ADAM18: variants seen among roughly 807,000 people sequenced by gnomAD.
ADAM18 encodes disintegrin and metalloproteinase domain-containing protein 18.
ADAM18 carries 117 observed loss-of-function variants against 94.4 expected under a neutral mutation model. That is an observed-to-expected ratio of 1.24 (90% CI 1.07 to 1.45). ADAM18 has a LOEUF of 1.45. Among genes scored for constraint, ADAM18 ranks in the 40% most tolerant of loss-of-function variants. The probability of loss-of-function intolerance (pLI) is 0.00; values close to 1 mark genes in which losing one functional copy is unlikely to be tolerated. For synonymous variants in ADAM18, 327 were observed against 291.6 expected (o/e 1.12, Z -1.24); for missense variants, 936 against 880.0 (o/e 1.06, Z -0.81).
At chr8:39,627,792 T>C (rs1819815430) in intron 6 of ADAM18, among the ~76,000 whole-genome samples, 1 of 152,130 alleles carries the variant, frequency 6.6e-6, no homozygotes, top group Admixed American at 6.6e-5. Flanking sequence ...CTTCATTGTG[T>C]TACTGTTTTA....
At chr8:39,598,695 G>A (rs1342581459) in intron 2 of ADAM18, among the ~76,000 whole-genome samples, 7 of 150,672 alleles carry the variant, frequency 4.6e-5, no homozygotes, top group Admixed American at 4.6e-4. Flanking sequence ...TTGAACCTGG[G>A]AGGCAGATGT....
At chr8:39,606,241 G>A (rs578149010) in intron 2 of ADAM18, 66 bp from the exon 3 acceptor site, 2 of 845,560 alleles carry the variant, frequency 2.4e-6, no homozygotes, top group South Asian at 3.4e-5. Context: ...TAACTTGGAT[G>A]AATATTGTTT....
At chr8:39,629,547 T>C in intron 7 of ADAM18, 108 bp downstream of exon 7, 1 of 712,238 alleles carries the variant, frequency 1.4e-6, no homozygotes, top group Admixed American at 3.2e-5. Flanking sequence ...TCCTCCTTCT[T>C]TCCCTTCCTC....
intron 2 of ADAM18, among the ~76,000 whole-genome samples, chr8:39,594,309 G>C (rs577908546): frequency 6.6e-6 from 1 of 152,074 alleles, no homozygotes; most frequent in Non-Finnish European, 1.5e-5. Flanking sequence ...GGAACACAAA[G>C]AAATAAGTGT....
At chr8:39,660,816 G>A (rs951455436) in intron 12 of ADAM18, among the ~76,000 whole-genome samples, 2 of 152,120 alleles carry the variant, frequency 1.3e-5, no homozygotes, top group African/African-American at 4.8e-5. Context: ...AATAGCAAAT[G>A]CAAACATTTA....
At chr8:39,703,536 G>A (rs540114830) in intron 17 of ADAM18, among the ~76,000 whole-genome samples, 1 of 152,040 alleles carries the variant, frequency 6.6e-6, no homozygotes, top group African/African-American at 2.4e-5. Flanking sequence ...GGATTGGTGA[G>A]AGAGGGCACC....
intron 3 of ADAM18, among the ~76,000 whole-genome samples, chr8:39,607,954 A>C (rs1028651400): frequency 2.0e-5 from 3 of 151,948 alleles, no homozygotes; most frequent in African/African-American, 7.3e-5. Context: ...CACTTATCTG[A>C]GTACTTAGTT....
In ADAM18 at chr8:39,680,010, A is replaced by G. The variant is rs201987707; in HGVS notation, c.1632-27A>G. On this transcript the variant is annotated intron_variant, in intron 15 of 19. Transcript: ENST00000265707. ...TGTTATCATTAAGAGATAAACTGAT[A>G]AGGAACTTTTTGCTTTCCACTTCCA... is the stretch of plus-strand genomic sequence containing the variant. 45 of 1,611,038 alleles carry G rather than the reference A, an allele frequency of 2.8e-5. No homozygotes were observed. The African/African-American group carries it at 5.6e-4, about 20-fold the overall frequency.
At chr8:39,673,479 C>T (rs1455196148) in intron 14 of ADAM18, among the ~76,000 whole-genome samples, 1 of 152,082 alleles carries the variant, frequency 6.6e-6, no homozygotes, top group Non-Finnish European at 1.5e-5. Flanking sequence ...CACCCCACCC[C>T]CCAACAAGCC....
At chr8:39,616,522 C>A (rs1328819601) in intron 6 of ADAM18, among the ~76,000 whole-genome samples, 1 of 152,144 alleles carries the variant, frequency 6.6e-6, no homozygotes, top group Admixed American at 6.5e-5. Context: ...CAAAACTATT[C>A]TAAAATTCAT....
At chr8:39,677,697 T>G (rs1026743349) in intron 15 of ADAM18, among the ~76,000 whole-genome samples, 161 bp downstream of exon 15, 2 of 152,166 alleles carry the variant, frequency 1.3e-5, no homozygotes, top group African/African-American at 4.8e-5. Context: ...TTCTATTATT[T>G]TCCCTTGATA....
At chr8:39,723,703 A>G (rs776168880) in intron 18 of ADAM18, 45 bp from the exon 19 acceptor site, 54 of 1,292,502 alleles carry the variant, frequency 4.2e-5, no homozygotes, top group Middle Eastern at 2.1e-4. Flanking sequence ...ATTTATTTAA[A>G]TATCCACTGA....
Position 39,680,188 on chromosome 8 carries a change from G to A in ADAM18, c.1783G>A (p.Ala595Thr), listed in dbSNP as rs781614370. 1 of 1,613,570 alleles carries A rather than the reference G, an allele frequency of 6.2e-7. No individual in the cohort carries two copies. Among genetic ancestry groups the A allele is most frequent in the Non-Finnish European group, 8.5e-7 (1 of 1,179,818 alleles). ...SSMRSDGTDN[A>T]YVADGTMCGP... ...CATGAGATCAGATGGAACAGACAAT[G>A]CCTATGTGGCTGATGGCACCATGTG... The change falls in exon 16 of 20, where the codon GCC (alanine) becomes ACC (threonine). Residue 595 changes from alanine (A) to threonine (T), a missense_variant. Ala to Thr is a moderately conservative substitution (Grantham distance 58). Coordinates refer to ENST00000265707, the MANE Select transcript of ADAM18 (RefSeq NM_014237.3).
At chr8:39,688,782 A>AC in intron 16 of ADAM18, among the ~76,000 whole-genome samples, 1 of 152,272 alleles carries the variant, frequency 6.6e-6, no homozygotes, top group Non-Finnish European at 1.5e-5. Flanking sequence ...TGGAGGAATC[A>AC]CCACGTTGTC....
intron 2 of ADAM18, among the ~76,000 whole-genome samples, chr8:39,587,420 T>C (rs1384165303): frequency 6.6e-6 from 1 of 152,194 alleles, no homozygotes; most frequent in African/African-American, 2.4e-5. Flanking sequence ...TATTCTATTC[T>C]CTGCTTTTAT....
At chr8:39,649,819 C>T (rs983365991) in intron 12 of ADAM18, among the ~76,000 whole-genome samples, 6 of 80,854 alleles carry the variant, frequency 7.4e-5, no homozygotes, top group East Asian at 2.1e-4. Context: ...AGATTCCTTT[C>T]TCCTTGTGAG....
intron 19 of ADAM18, 22 bp from the exon 20 acceptor site, chr8:39,729,876 T>C (rs747773339): frequency 6.8e-6 from 11 of 1,607,094 alleles, no homozygotes; most frequent in African/African-American, 2.7e-5. Context: ...ATTTCTATTT[T>C]TTCTGTTTTT....
intron 18 of ADAM18, among the ~76,000 whole-genome samples, chr8:39,716,983 A>T (rs953627603): frequency 6.6e-6 from 1 of 151,894 alleles, no homozygotes; most frequent in East Asian, 1.9e-4. Context: ...ATTTTGTCTG[A>T]TATAAGTCTG....
chr8:39,684,276 TTTTA>T (rs536278073), intron 16 of ADAM18, among the ~76,000 whole-genome samples: 13 of 151,980 alleles, frequency 8.6e-5, no homozygotes, highest in South Asian at 2.1e-4. Context: ...TTTCCCAATC[TTTTA>T]TTTATTTATT....
Sources: allele counts gnomAD v4.1 joint callset (sites outside exome capture counted in the v4.1 genomes callset), GRCh38; gene constraint gnomAD v4.1.1; transcripts MANE v1.5; gene names NCBI Gene and HGNC (gene_info 2026-07-23, HGNC 2026-07-21).